Variants in GPC6 observed in about 807,000 individuals in gnomAD.
GPC6 encodes glypican-6.
Under a neutral mutation model 55.2 loss-of-function variants are expected in GPC6, and 14 were observed. The ratio of observed to expected loss-of-function variants is 0.25; its 90% CI spans 0.17 to 0.40. GPC6 has a LOEUF of 0.40. Among genes scored for constraint, GPC6 ranks in the 10% least tolerant of loss-of-function variants. GPC6 has a pLI of 1.00. For synonymous variants in GPC6, 278 were observed against 259.6 expected (o/e 1.07, Z -0.68); for missense variants, 641 against 708.5 (o/e 0.90, Z 1.08).
chr13:93,438,890 T>C (rs943608938), intron 1 of GPC6, among the ~76,000 whole-genome samples: 3 of 152,086 alleles, frequency 2.0e-5, no homozygotes, highest in Non-Finnish European at 4.4e-5. Context: ...CACATTTTAT[T>C]GTTGTCCTAT....
chr13:93,621,621 A>G (rs1243498260), intron 2 of GPC6, among the ~76,000 whole-genome samples: 1 of 152,060 alleles, frequency 6.6e-6, no homozygotes, highest in East Asian at 1.9e-4. Context: ...CAATATAAGC[A>G]TGTTCAAAAA....
chr13:94,174,519 A>G (rs1246364480), intron 4 of GPC6, among the ~76,000 whole-genome samples: 3 of 152,156 alleles, frequency 2.0e-5, no homozygotes, highest in African/African-American at 7.2e-5. Context: ...AATTGGTAAT[A>G]CATTGTTATA....
At chr13:93,979,598 T>TA (rs939936517) in intron 3 of GPC6, among the ~76,000 whole-genome samples, 20 of 152,082 alleles carry the variant, frequency 1.3e-4, no homozygotes, top group African/African-American at 4.6e-4. Context: ...TTAGAAGACT[T>TA]ACAGCCGCTT....
At chr13:93,324,749 G>C (rs954876088) in intron 1 of GPC6, among the ~76,000 whole-genome samples, 1 of 151,828 alleles carries the variant, frequency 6.6e-6, no homozygotes, top group African/African-American at 2.4e-5. Flanking sequence ...TGTCTCATAT[G>C]GGGGGTTGGG....
chr13:94,083,414 G>C (rs781668431), intron 4 of GPC6, among the ~76,000 whole-genome samples: 3 of 152,134 alleles, frequency 2.0e-5, no homozygotes, highest in Non-Finnish European at 4.4e-5. Flanking sequence ...CACTGCACCC[G>C]GCCAGGTTTT....
At chr13:94,021,447 G>A (rs980282005) in intron 3 of GPC6, among the ~76,000 whole-genome samples, 35 of 151,894 alleles carry the variant, frequency 2.3e-4, no homozygotes, top group African/African-American at 8.5e-4. Context: ...ATTATTACAT[G>A]GCTAAGAACA....
At chr13:93,787,574 T>A (rs900193322) in intron 2 of GPC6, among the ~76,000 whole-genome samples, 11 of 152,216 alleles carry the variant, frequency 7.2e-5, no homozygotes, top group Admixed American at 7.2e-4. Context: ...ACGTATTAGA[T>A]GTATATATGT....
At chr13:93,251,926 A>C (rs1288658714) in intron 1 of GPC6, among the ~76,000 whole-genome samples, 3 of 152,210 alleles carry the variant, frequency 2.0e-5, no homozygotes, top group Non-Finnish European at 4.4e-5. Flanking sequence ...TCTAGTTGGA[A>C]ATGGCACTGA....
chr13:93,354,367 T>TTTTTTTTC (rs1880758852), intron 1 of GPC6, among the ~76,000 whole-genome samples: 1 of 149,982 alleles, frequency 6.7e-6, no homozygotes, highest in South Asian at 2.1e-4. Context: ...TTTTTTTTTT[T>TTTTTTTTC]TGAGACAGAG....
chr13:93,595,056 A>C (rs1406471718), intron 2 of GPC6, among the ~76,000 whole-genome samples: 1 of 152,152 alleles, frequency 6.6e-6, no homozygotes, highest in African/African-American at 2.4e-5. Context: ...AATATATTGC[A>C]TAGTTTTGAC....
intron 4 of GPC6, among the ~76,000 whole-genome samples, chr13:94,098,701 G>A (rs1358491455): frequency 6.6e-6 from 1 of 152,056 alleles, no homozygotes; most frequent in Non-Finnish European, 1.5e-5. Context: ...AAAAATGGGA[G>A]ATTCAACTTT....
At chr13:93,233,420 C>T (rs774719355) in intron 1 of GPC6, among the ~76,000 whole-genome samples, 6 of 151,232 alleles carry the variant, frequency 4.0e-5, no homozygotes, top group Non-Finnish European at 7.4e-5. Flanking sequence ...AACCCATTCT[C>T]TCTTTCTTCT....
At chr13:93,651,840 C>T (rs554037001) in intron 2 of GPC6, among the ~76,000 whole-genome samples, 3 of 152,182 alleles carry the variant, frequency 2.0e-5, no homozygotes, top group South Asian at 4.1e-4. Context: ...CCTGGGGAGC[C>T]GTTAACAAAC....
intron 2 of GPC6, among the ~76,000 whole-genome samples, chr13:93,742,210 G>A (rs1884230892): frequency 6.6e-6 from 1 of 152,108 alleles, no homozygotes; most frequent in Admixed American, 6.5e-5. Flanking sequence ...TTTCAAAGTA[G>A]GAACAAGATG....
intron 1 of GPC6, among the ~76,000 whole-genome samples, chr13:93,393,127 T>TATATAGAGAGAG (rs1230857277): frequency 1.4e-4 from 12 of 87,616 alleles, no homozygotes; most frequent in East Asian, 6.6e-4. Flanking sequence ...TATATATATA[T>TATATAGAGAGAG]AGAGAGAGAG....
At position 94,046,600 on chromosome 13, in the gene GPC6, T is replaced by C. The variant is rs959267304; in HGVS notation, c.877+18706T>C. Among the ~76,000 whole-genome samples, 5 of 152,140 alleles carry C rather than the reference T, an allele frequency of 3.3e-5. No homozygotes were observed. In the South Asian group the frequency reaches 6.2e-4, roughly 19 times the overall value. On this transcript the variant is annotated intron_variant, in intron 4 of 8. Transcript: ENST00000377047. ...GTCACTTTCCCCTCATTGACCAATATGACTGTCAGAGTGGCTCACTTTTAT... is the reference window on the plus strand; with the variant it reads ...GTCACTTTCCCCTCATTGACCAATACGACTGTCAGAGTGGCTCACTTTTAT...
At chr13:94,074,519 A>G (rs1884841951) in intron 4 of GPC6, among the ~76,000 whole-genome samples, 2 of 152,012 alleles carry the variant, frequency 1.3e-5, no homozygotes, top group African/African-American at 4.8e-5. Flanking sequence ...GAATTTTATC[A>G]CCCTTGAGTA....
chr13:93,760,933 A>T (rs887515638), intron 2 of GPC6, among the ~76,000 whole-genome samples: 11 of 152,220 alleles, frequency 7.2e-5, no homozygotes. Flanking sequence ...AGTGCTTCTT[A>T]ACATAGGATA....
At chr13:93,322,498 G>A (rs1879490102) in intron 1 of GPC6, among the ~76,000 whole-genome samples, 1 of 130,252 alleles carries the variant, frequency 7.7e-6, no homozygotes, top group Non-Finnish European at 1.5e-5. Context: ...GTGCAATGGT[G>A]CATTCTCGGC....
Sources: allele counts gnomAD v4.1 joint callset (sites outside exome capture counted in the v4.1 genomes callset), GRCh38; gene constraint gnomAD v4.1.1; transcripts MANE v1.5; gene names NCBI Gene and HGNC (gene_info 2026-07-23, HGNC 2026-07-21).